CTNNA2: variants seen among roughly 807,000 people sequenced by gnomAD.
CTNNA2 encodes the protein catenin alpha-2.
In CTNNA2, 42 loss-of-function variants were observed where a neutral mutation model predicts 101.0. The ratio of observed to expected loss-of-function variants is 0.42; its 90% CI spans 0.32 to 0.54. The LOEUF (loss-of-function observed/expected upper bound fraction) is 0.54. CTNNA2 is among the 20% of genes least tolerant of loss of function. CTNNA2 has a pLI of 0.14. For synonymous variants in CTNNA2, 450 were observed against 456.4 expected, an observed-to-expected ratio of 0.99 and a Z score of 0.18; for missense variants, 871 against 1,223.1, an observed-to-expected ratio of 0.71 and a Z score of 4.29.
chr2:79,697,751 A>T (rs1362896510), intron 2 of CTNNA2: 1 of 152,050 alleles, frequency 6.6e-6, no homozygotes, highest in Non-Finnish European at 1.5e-5. Flanking sequence ...GTTAAAAAAA[A>T]TTAGTATTTT....
At chr2:79,578,409 C>T (rs1246148372) in intron 1 of CTNNA2, among the ~76,000 whole-genome samples, 1 of 152,012 alleles carries the variant, frequency 6.6e-6, no homozygotes, top group East Asian at 1.9e-4. Context: ...TTTTAACTTA[C>T]CTTTTGTGGG....
chr2:80,381,126 C>T (rs1306799793), intron 7 of CTNNA2, among the ~76,000 whole-genome samples: 2 of 151,916 alleles, frequency 1.3e-5, no homozygotes, highest in East Asian at 3.9e-4. Context: ...GTGCCAGTGG[C>T]TTGCACCTTC....
intron 9 of CTNNA2, among the ~76,000 whole-genome samples, chr2:80,497,267 A>AT (rs1013384794): frequency 1.3e-5 from 2 of 152,174 alleles, no homozygotes; most frequent in Non-Finnish European, 1.5e-5. Context: ...CAGTATGAAA[A>AT]TTCCCTTTTG....
intron 9 of CTNNA2, among the ~76,000 whole-genome samples, chr2:80,455,088 C>T (rs1005978014): frequency 5.3e-5 from 8 of 152,238 alleles, no homozygotes; most frequent in Non-Finnish European, 1.2e-4. Context: ...TAGTGATCGC[C>T]CTGTTTCAGC....
In CTNNA2 at chr2:80,632,446, A is replaced by T. The variant is rs1406780368; in HGVS notation, c.2574+13218A>T. Among the ~76,000 whole-genome samples, 3 of 152,222 alleles carry T rather than the reference A, an allele frequency of 2.0e-5. No homozygotes were observed. The East Asian group carries it at 5.8e-4, about 29-fold the overall frequency. On this transcript the variant is annotated intron_variant, in intron 18 of 18. Transcript: ENST00000402739. ...ATGGTCTACCTTCAGTTTTTGGTTGAATTTCTTTGTCTTTTTGTGCTGCAC... is the reference window on the plus strand; with the variant it reads ...ATGGTCTACCTTCAGTTTTTGGTTGTATTTCTTTGTCTTTTTGTGCTGCAC...
intron 7 of CTNNA2, among the ~76,000 whole-genome samples, chr2:80,091,053 T>C (rs1699763707): frequency 6.6e-6 from 1 of 152,144 alleles, no homozygotes; most frequent in South Asian, 2.1e-4. Context: ...CATATGAGTG[T>C]CAGAGAGGTA....
At chr2:79,230,774 G>A (rs1674481557) in intron 2 of CTNNA2, among the ~76,000 whole-genome samples, 1 of 152,204 alleles carries the variant, frequency 6.6e-6, no homozygotes, top group South Asian at 2.1e-4. Context: ...AAAGCCACAG[G>A]GGCAGAGCTG....
rs562482920 is a variant in CTNNA2, at chr2:79,468,224, C to T, written c.-134-36830C>T. ...GGAGAATAAAAAAAGGCAGGGGTTGCAATCCTAGTCTCTGATAAAACAGAC... is the reference window on the plus strand; with the variant it reads ...GGAGAATAAAAAAAGGCAGGGGTTGTAATCCTAGTCTCTGATAAAACAGAC... On this transcript the variant is annotated intron_variant, in intron 4 of 21. Transcript: ENST00000466387. 2.0e-5 allele frequency among the ~76,000 whole-genome samples: 3 copies of T among 152,164 alleles called. No homozygotes were observed. The East Asian group carries it at 5.8e-4, about 29-fold the overall frequency.
At chr2:80,125,107 T>G (rs908057715) in intron 7 of CTNNA2, among the ~76,000 whole-genome samples, 1 of 152,218 alleles carries the variant, frequency 6.6e-6, no homozygotes, top group Non-Finnish European at 1.5e-5. Flanking sequence ...ATCTAGGTTT[T>G]GTCTGAAACG....
intron 7 of CTNNA2, among the ~76,000 whole-genome samples, chr2:80,001,155 T>G (rs1457093594): frequency 6.6e-6 from 1 of 152,224 alleles, no homozygotes; most frequent in Non-Finnish European, 1.5e-5. Context: ...ATATTTAAAC[T>G]ATCAGTAATT....
At chr2:80,084,526 A>C (rs140819342) in intron 7 of CTNNA2, among the ~76,000 whole-genome samples, 1 of 152,056 alleles carries the variant, frequency 6.6e-6, no homozygotes, top group Non-Finnish European at 1.5e-5. Context: ...GGAACACACA[A>C]TCAGCTCGTA....
At chr2:79,225,893 G>A (rs1674402188) in intron 2 of CTNNA2, among the ~76,000 whole-genome samples, 1 of 152,168 alleles carries the variant, frequency 6.6e-6, no homozygotes, top group African/African-American at 2.4e-5. Flanking sequence ...TAGATCTCAT[G>A]ATGACATTTG....
At chr2:79,975,415 A>C (rs1690767410) in intron 7 of CTNNA2, among the ~76,000 whole-genome samples, 1 of 152,124 alleles carries the variant, frequency 6.6e-6, no homozygotes, top group African/African-American at 2.4e-5. Flanking sequence ...CCACACACTA[A>C]GAGATCAATT....
chr2:80,213,863 G>A (rs77577584), intron 7 of CTNNA2, among the ~76,000 whole-genome samples: 4,486 of 152,154 alleles, frequency 0.029, 233 homozygotes, highest in African/African-American at 0.1. Flanking sequence ...CTCTTTGTTG[G>A]TCTCTAAGGA....
intron 18 of CTNNA2, among the ~76,000 whole-genome samples, chr2:80,624,743 T>C (rs962676610): frequency 1.3e-5 from 2 of 151,976 alleles, no homozygotes; most frequent in African/African-American, 4.8e-5. Flanking sequence ...TTTCAGTGTC[T>C]TCTCTTGGGT....
intron 1 of CTNNA2, chr2:79,649,363 A>G (rs529231258): frequency 1.0e-4 from 16 of 154,790 alleles, no homozygotes; most frequent in African/African-American, 2.9e-4. Context: ...CAGCTTTCCT[A>G]CAGAACTTCC....
intron 7 of CTNNA2, among the ~76,000 whole-genome samples, chr2:80,311,548 A>T (rs554133678): frequency 1.3e-5 from 2 of 152,200 alleles, no homozygotes; most frequent in Non-Finnish European, 2.9e-5. Context: ...GGCCTTCAAG[A>T]TTCCTTCTGG....
At chr2:80,359,856 C>A (rs1674227381) in intron 7 of CTNNA2, among the ~76,000 whole-genome samples, 1 of 152,086 alleles carries the variant, frequency 6.6e-6, no homozygotes, top group African/African-American at 2.4e-5. Context: ...TCAACATAAT[C>A]TTGACTCCTT....
At chr2:79,924,344 G>C (rs1252490542) in intron 7 of CTNNA2, among the ~76,000 whole-genome samples, 4 of 152,030 alleles carry the variant, frequency 2.6e-5, no homozygotes, top group African/African-American at 9.7e-5. Context: ...TGCTGGCTTA[G>C]GATTTGGCTT....
Sources: allele counts gnomAD v4.1 joint callset (sites outside exome capture counted in the v4.1 genomes callset), GRCh38; gene constraint gnomAD v4.1.1; transcripts MANE v1.5; gene names NCBI Gene and HGNC (gene_info 2026-07-23, HGNC 2026-07-21).